PRKCH: variants seen among roughly 807,000 people sequenced by gnomAD.
The protein encoded by PRKCH is protein kinase C eta type.
In PRKCH, 28 loss-of-function variants were observed where a neutral mutation model predicts 82.5. The observed-to-expected ratio is 0.34, with a 90% confidence interval of 0.25 to 0.47. PRKCH has a LOEUF of 0.47. Among genes scored for constraint, PRKCH ranks in the 20% least tolerant of loss-of-function variants. The pLI, the probability that PRKCH is intolerant of heterozygous loss-of-function variation, is 1.00. For missense variants in PRKCH, 705 were observed against 881.8 expected, an observed-to-expected ratio of 0.80 and a Z score of 2.54; for synonymous variants, 322 against 327.4, an observed-to-expected ratio of 0.98 and a Z score of 0.18.
At chr14:61,505,632 G>C (rs1425879618) in intron 10 of PRKCH, among the ~76,000 whole-genome samples, 1 of 151,566 alleles carries the variant, frequency 6.6e-6, no homozygotes, top group African/African-American at 2.4e-5. Context: ...GCCTTGGCCT[G>C]CCAAAGTGCT....
chr14:61,512,700 A>T (rs932225581), intron 10 of PRKCH, among the ~76,000 whole-genome samples: 1 of 152,110 alleles, frequency 6.6e-6, no homozygotes, highest in Non-Finnish European at 1.5e-5. Flanking sequence ...TTTACACAAG[A>T]TATACAGGAG....
chr14:61,457,674 AC>A lies in PRKCH; in HGVS notation c.1278del (p.Asp427IlefsTer6). The A allele has an allele frequency of 6.2e-7, 1 of 1,613,714 alleles. No individual in the cohort carries two copies. Among genetic ancestry groups the A allele is most frequent in the Non-Finnish European group, 8.5e-7 (1 of 1,179,848 alleles). The part of the protein sequence containing the change: ...FLTQLFCCFQ[T>X]PDRLFFVMEF... ...CACTCAGTTGTTCTGCTGCTTTCAGACCCCCGTAAGTATGAATCACATTCAC... is the reference window on the plus strand; with the variant it reads ...CACTCAGTTGTTCTGCTGCTTTCAGACCCCGTAAGTATGAATCACATTCAC... On this transcript the variant is annotated frameshift_variant, in exon 9 of 14. Coordinates refer to ENST00000332981, the MANE Select transcript of PRKCH (RefSeq NM_006255.5). LOFTEE classifies it high-confidence loss of function.
intron 9 of PRKCH, among the ~76,000 whole-genome samples, chr14:61,467,855 A>G (rs1307572185): frequency 6.6e-6 from 1 of 152,202 alleles, no homozygotes; most frequent in Non-Finnish European, 1.5e-5. Context: ...ATTGAACAAA[A>G]TATCTCATTT....
chr14:61,322,602 TGGCCGC>T, intron 1 of PRKCH, 138 bp downstream of exon 1: 1 of 1,261,932 alleles, frequency 7.9e-7, no homozygotes, highest in African/African-American at 1.5e-5. Flanking sequence ...TTCGTCCACG[TGGCCGC>T]GGCACTGGTG....
chr14:61,507,940 GA>G lies in PRKCH; in HGVS notation c.1434-21128del, dbSNP rs765314634. 1.2e-4 allele frequency among the ~76,000 whole-genome samples: 18 copies of G among 151,926 alleles called. 1 individual carries two copies. The highest frequency in any genetic ancestry group is 7.9e-4 in the Admixed American group (12 of 15,266). On this transcript the variant is annotated intron_variant, in intron 10 of 13. Coordinates refer to ENST00000332981, the MANE Select transcript of PRKCH (RefSeq NM_006255.5). ...ACATCTTAAGTGCTCTTATCACCAA[GA>G]AAAAAACACAAAGGAGGCAGGAGGA... is the stretch of plus-strand genomic sequence containing the variant.
chr14:61,465,390 T>G (rs1885208979), intron 9 of PRKCH, among the ~76,000 whole-genome samples: 1 of 152,226 alleles, frequency 6.6e-6, no homozygotes, highest in Non-Finnish European at 1.5e-5. Flanking sequence ...CATTTTTCAG[T>G]GATTTTTTTA....
At chr14:61,458,931 A>G (rs1884908291) in intron 9 of PRKCH, among the ~76,000 whole-genome samples, 1 of 152,166 alleles carries the variant, frequency 6.6e-6, no homozygotes, top group Non-Finnish European at 1.5e-5. Flanking sequence ...CTGGGTGGGG[A>G]CACACAGCCA....
At chr14:61,460,671 G>A (rs1025354827) in intron 9 of PRKCH, among the ~76,000 whole-genome samples, 3 of 152,152 alleles carry the variant, frequency 2.0e-5, no homozygotes, top group Non-Finnish European at 2.9e-5. Flanking sequence ...GTGGTCTGAC[G>A]GCAGAGTCCA....
chr14:61,421,352 G>C (rs760146828), intron 2 of PRKCH, among the ~76,000 whole-genome samples: 2 of 152,062 alleles, frequency 1.3e-5, no homozygotes, highest in Non-Finnish European at 2.9e-5. Context: ...ATTCCTACAT[G>C]TATACATAAC....
intron 1 of PRKCH, among the ~76,000 whole-genome samples, chr14:61,269,592 A>G (rs1440253761): frequency 4.6e-5 from 7 of 151,948 alleles, no homozygotes. Flanking sequence ...TTTAGCTTTC[A>G]CTTATAAGTG....
At chr14:61,453,153 A>G (rs1884590489) in intron 6 of PRKCH, 73 bp from the exon 7 acceptor site, 1 of 1,572,614 alleles carries the variant, frequency 6.4e-7, no homozygotes, top group Non-Finnish European at 8.8e-7. Context: ...TTAGGCTATT[A>G]AAGTTCTCTG....
chr14:61,261,100 C>T (rs1015931755), intron 1 of PRKCH, among the ~76,000 whole-genome samples: 1 of 152,150 alleles, frequency 6.6e-6, no homozygotes, highest in African/African-American at 2.4e-5. Context: ...ACCACCACCA[C>T]CAACAAAAAA....
chr14:61,409,550 A>C (rs565400398), intron 2 of PRKCH, among the ~76,000 whole-genome samples: 14 of 151,730 alleles, frequency 9.2e-5, no homozygotes, highest in Non-Finnish European at 1.8e-4. Flanking sequence ...AAAAAGAAAA[A>C]AAAATCCAGG....
chr14:61,246,689 C>T (rs61992907), intron 1 of PRKCH, among the ~76,000 whole-genome samples: 8,228 of 152,230 alleles, frequency 0.054, 334 homozygotes, highest in East Asian at 0.16. Context: ...TTCTTCTCTA[C>T]TCTCCTCCTT....
intron 1 of PRKCH, among the ~76,000 whole-genome samples, chr14:61,335,489 A>G (rs538684704): frequency 1.3e-5 from 2 of 152,310 alleles, no homozygotes; most frequent in South Asian, 2.1e-4. Context: ...TTACAAAACT[A>G]TACATTTATG....
At chr14:61,236,719 A>C (rs1307319241) in intron 1 of PRKCH, among the ~76,000 whole-genome samples, 2 of 147,512 alleles carry the variant, frequency 1.4e-5, no homozygotes, top group Non-Finnish European at 3.0e-5. Flanking sequence ...ACAAAAAAAA[A>C]AAAAAAAAAA....
chr14:61,463,712 T>A (rs1594735238), intron 9 of PRKCH, among the ~76,000 whole-genome samples: 1 of 144,702 alleles, frequency 6.9e-6, no homozygotes, highest in Non-Finnish European at 1.5e-5. Context: ...TTTATATATA[T>A]TTTTTTGGTC....
At chr14:61,498,573 A>T (rs1886764271) in intron 10 of PRKCH, among the ~76,000 whole-genome samples, 1 of 152,114 alleles carries the variant, frequency 6.6e-6, no homozygotes, top group African/African-American at 2.4e-5. Context: ...AGCTCTGGAG[A>T]CTGGGAATTC....
At chr14:61,353,917 A>G (rs1291387107) in intron 1 of PRKCH, 3 of 152,190 alleles carry the variant, frequency 2.0e-5, no homozygotes, top group Non-Finnish European at 4.4e-5. Context: ...AGCAGGAGCA[A>G]CAGAGTGAGA....
Sources: allele counts gnomAD v4.1 joint callset (sites outside exome capture counted in the v4.1 genomes callset), GRCh38; gene constraint gnomAD v4.1.1; transcripts MANE v1.5; gene names NCBI Gene and HGNC (gene_info 2026-07-23, HGNC 2026-07-21).